KCNN3: variants seen among roughly 807,000 people sequenced by gnomAD.
The protein encoded by KCNN3 is potassium calcium-activated channel subfamily N member 3, also known as small conductance calcium-activated potassium channel protein 3.
KCNN3 carries 16 observed loss-of-function variants against 62.9 expected under a neutral mutation model. That is an observed-to-expected ratio of 0.25 (90% confidence interval 0.17 to 0.39). The LOEUF (loss-of-function observed/expected upper bound fraction) is 0.39. Among genes scored for constraint, KCNN3 ranks in the 10% least tolerant of loss-of-function variants. The pLI is 1.00. For missense variants in KCNN3, 599 were observed against 949.4 expected (o/e 0.63, Z 4.85); for synonymous variants, 370 against 389.2 (o/e 0.95, Z 0.58).
intron 4 of KCNN3, among the ~76,000 whole-genome samples, 166 bp from the exon 5 acceptor site, chr1:154,726,192 T>A (rs1345108834): frequency 6.6e-6 from 1 of 152,238 alleles, no homozygotes; most frequent in South Asian, 2.1e-4. Context: ...TGTTGAAATC[T>A]GTCAGGACTC....
At chr1:154,748,172 T>C (rs1018269946) in intron 3 of KCNN3, among the ~76,000 whole-genome samples, 2 of 152,200 alleles carry the variant, frequency 1.3e-5, no homozygotes, top group African/African-American at 4.8e-5. Context: ...TCTCACTCCC[T>C]GCTGTGGGCC....
chr1:154,799,567 C>G (rs12119516), intron 2 of KCNN3, among the ~76,000 whole-genome samples: 8,422 of 152,284 alleles, frequency 0.055, 261 homozygotes, highest in Non-Finnish European at 0.071. Flanking sequence ...GTGAAGCCAC[C>G]AGGGTTGTGT....
intron 3 of KCNN3, among the ~76,000 whole-genome samples, chr1:154,738,153 C>T (rs891366370): frequency 1.3e-5 from 2 of 152,172 alleles, no homozygotes; most frequent in East Asian, 1.9e-4. Context: ...AATAGATGCA[C>T]ACCAAGGCAC....
intron 2 of KCNN3, among the ~76,000 whole-genome samples, chr1:154,804,542 C>T (rs1408666419): frequency 2.0e-5 from 3 of 152,134 alleles, no homozygotes; most frequent in Admixed American, 6.5e-5. Context: ...CAGCCCTCTC[C>T]CTCCCAAGAC....
At position 154,707,772 on chromosome 1, in the gene KCNN3, T is replaced by C; in HGVS notation, c.*204A>G. 2 of 593,724 alleles carry C rather than the reference T, an allele frequency of 3.4e-6. No individual in the cohort carries two copies. The allele number at this position is 593,724 out of a possible 1,614,324, so 36.8% of individuals were successfully genotyped here. On this transcript the variant is annotated 3_prime_UTR_variant, in exon 8 of 8. Coordinates refer to ENST00000271915, the MANE Select transcript of KCNN3 (RefSeq NM_002249.6). The stretch of plus-strand genomic sequence containing the variant: ...GTCATCTCCTCTTCCCGCTCCCAAG[T>C]AGAGGCACCTAAACAGAGATTAGAT...
At chr1:154,868,742 G>A (rs1653047951) in intron 1 of KCNN3, among the ~76,000 whole-genome samples, 1 of 152,022 alleles carries the variant, frequency 6.6e-6, no homozygotes, top group Non-Finnish European at 1.5e-5. Context: ...TAGACACAGT[G>A]TGTGGGGATG....
intron 4 of KCNN3, among the ~76,000 whole-genome samples, chr1:154,726,280 G>C (rs1184572606): frequency 1.3e-5 from 2 of 152,180 alleles, no homozygotes; most frequent in Non-Finnish European, 2.9e-5. Context: ...GGCTGAGCTA[G>C]CCAGTTTCAA....
intron 1 of KCNN3, among the ~76,000 whole-genome samples, chr1:154,830,700 T>A (rs527910970): frequency 6.6e-6 from 1 of 152,320 alleles, no homozygotes; most frequent in African/African-American, 2.4e-5. Flanking sequence ...CTGAGGGACA[T>A]CATGCAGTTA....
Position 154,869,200 on chromosome 1 carries a change from G to A in KCNN3, c.765C>T (p.Phe255=), listed in dbSNP as rs913727371. ...HAGTTASSTT[F]PKANKRKNQN... ...GGTTTTTCCGCTTGTTGGCTTTGGG[G>A]AAGGTGGTGCTGCTGGCGGTGGTGC... The change falls in exon 1 of 8, where the codon TTC becomes TTT. Residue 255 remains phenylalanine (F), a synonymous_variant. Coordinates refer to ENST00000271915, the MANE Select transcript of KCNN3 (RefSeq NM_002249.6). The surrounding 1 kb of genome is among the most constrained non-coding windows in gnomAD (Gnocchi z 6.1). The A allele has an allele frequency of 6.2e-7, 1 of 1,614,186 alleles. No individual in the cohort carries two copies. Among genetic ancestry groups the A allele is most frequent in the Admixed American group, 1.7e-5 (1 of 60,034 alleles).
chr1:154,805,090 G>C (rs947966411), intron 2 of KCNN3, among the ~76,000 whole-genome samples: 25 of 152,334 alleles, frequency 1.6e-4, no homozygotes, highest in African/African-American at 6.0e-4. Flanking sequence ...TCCCATGGGA[G>C]GGTCCTCTCT....
At chr1:154,748,964 C>A (rs1284881643) in intron 3 of KCNN3, among the ~76,000 whole-genome samples, 1 of 152,188 alleles carries the variant, frequency 6.6e-6, no homozygotes, top group Non-Finnish European at 1.5e-5. Flanking sequence ...GACTTGCCTG[C>A]ATCCACAGCC....
chr1:154,712,478 C>A (rs888052020), intron 7 of KCNN3, among the ~76,000 whole-genome samples: 1 of 152,202 alleles, frequency 6.6e-6, no homozygotes, highest in Non-Finnish European at 1.5e-5. Flanking sequence ...AAGGCCCTTT[C>A]TTTGGTTCAA....
chr1:154,741,873 C>T (rs111749483), intron 3 of KCNN3, among the ~76,000 whole-genome samples: 9 of 152,368 alleles, frequency 5.9e-5, no homozygotes, highest in South Asian at 2.1e-4. Flanking sequence ...CCTTGCCTTC[C>T]GGTCAATCTT....
rs573960176 is a variant in KCNN3 at position 154,775,269 on chromosome 1, C to T, written c.1030-2876G>A. ...GGTACCAGGCCTGGTGTGGTGTGGGCGGGCGATGCTTGCCTTGCTTTTAGC... is the reference window on the plus strand; with the variant it reads ...GGTACCAGGCCTGGTGTGGTGTGGGTGGGCGATGCTTGCCTTGCTTTTAGC... On this transcript the variant is annotated intron_variant, in intron 2 of 7. Transcript: ENST00000271915. 1.3e-4 allele frequency among the ~76,000 whole-genome samples: 20 copies of T among 152,260 alleles called. No individual in the cohort carries two copies. The South Asian group carries it at 1.5e-3, about 11-fold the overall frequency.
intron 3 of KCNN3, chr1:154,737,194 C>T: frequency 4.4e-6 from 1 of 228,772 alleles, no homozygotes; most frequent in Non-Finnish European, 7.8e-6. Flanking sequence ...CTATTTTTTG[C>T]AATAGAAAAT....
In KCNN3 at chr1:154,777,127, G is replaced by T. The variant is rs577619930; in HGVS notation, c.1030-4734C>A. 5.3e-5 allele frequency among the ~76,000 whole-genome samples: 8 copies of T among 152,266 alleles called. No homozygotes were observed. In the South Asian group the frequency reaches 1.7e-3, roughly 32 times the overall value. The stretch of plus-strand genomic sequence containing the variant: ...TAATCTTCCCTCTCTTGGGCTCAGC[G>T]TCCTCCTCTGAGGAATGAGGGAATA... On this transcript the variant is annotated intron_variant, in intron 2 of 7. Coordinates refer to ENST00000271915, the MANE Select transcript of KCNN3 (RefSeq NM_002249.6).
intron 1 of KCNN3, among the ~76,000 whole-genome samples, chr1:154,848,968 G>A (rs1196596226): frequency 6.6e-6 from 1 of 152,184 alleles, no homozygotes. Context: ...GTGAAAGTTT[G>A]CCGAGTAGAA....
In KCNN3 at chr1:154,870,247, A is replaced by G; in HGVS notation, c.-283T>C. On this transcript the variant is annotated 5_prime_UTR_variant, in exon 1 of 8. Transcript: ENST00000271915. ...GGAGGTGGTCCTCTAGGAGCGTGTG[A>G]GGCCAGGCTCAGCTTCACTCCTCGC... The G allele has an allele frequency of 4.9e-6, 3 of 614,614 alleles. No individual in the cohort carries two copies. The highest frequency in any genetic ancestry group is 9.1e-6 in the Non-Finnish European group (3 of 329,592). The allele number at this position is 614,614 out of a possible 1,614,324, so 38.1% of individuals were successfully genotyped here.
At chr1:154,737,252 A>G (rs1354827272) in intron 3 of KCNN3, among the ~76,000 whole-genome samples, 1 of 152,078 alleles carries the variant, frequency 6.6e-6, no homozygotes, top group Non-Finnish European at 1.5e-5. Flanking sequence ...GCTGAGGAGG[A>G]AAAGATGTAA....
Sources: gnomAD v4.1 joint callset for allele counts (sites outside exome capture counted in the v4.1 genomes callset) on GRCh38, gnomAD v4.1.1 for gene constraint, Gnocchi (gnomAD v3.1) non-coding constraint, MANE v1.5 for transcripts, NCBI Gene and HGNC (gene_info 2026-07-23, HGNC 2026-07-21) for gene names.